The following CDON variants were observed in gnomAD, a reference collection of about 807,000 sequenced individuals.
CDON encodes the protein cell adhesion molecule-related/down-regulated by oncogenes.
A neutral mutation model predicts 120.9 loss-of-function variants in CDON; 73 were observed. That is an observed-to-expected ratio of 0.60 (90% CI 0.50 to 0.73). The LOEUF (loss-of-function observed/expected upper bound fraction) is 0.73. CDON is among the 30% of genes least tolerant of loss of function. CDON has a pLI of 0.00. For synonymous variants in CDON, 566 were observed against 573.5 expected, an observed-to-expected ratio of 0.99 and a Z score of 0.19; for missense variants, 1,470 against 1,587.3, an observed-to-expected ratio of 0.93 and a Z score of 1.26.
intron 18 of CDON, among the ~76,000 whole-genome samples, chr11:125,971,752 C>A (rs911937604): frequency 6.6e-6 from 1 of 152,138 alleles, no homozygotes; most frequent in Non-Finnish European, 1.5e-5. Context: ...TCATTCCTTC[C>A]TGATGGGGTC....
chr11:125,982,045 G>A (rs1422101529), intron 16 of CDON, among the ~76,000 whole-genome samples: 3 of 128,206 alleles, frequency 2.3e-5, no homozygotes, highest in East Asian at 5.1e-4. Flanking sequence ...GTGCAATGGC[G>A]TGATCTTGGC....
chr11:126,028,219 G>A (rs1947848544), intron 1 of CDON, among the ~76,000 whole-genome samples: 2 of 151,780 alleles, frequency 1.3e-5, no homozygotes, highest in Non-Finnish European at 2.9e-5. Context: ...CGACAATCTC[G>A]CCACCTATAG....
At chr11:125,992,596 G>A (rs1174305404) in intron 14 of CDON, among the ~76,000 whole-genome samples, 1 of 152,144 alleles carries the variant, frequency 6.6e-6, no homozygotes, top group African/African-American at 2.4e-5. Context: ...AGTTATGGCA[G>A]AAAAGAAACA....
intron 1 of CDON, among the ~76,000 whole-genome samples, chr11:126,053,444 T>C (rs535593874): frequency 7.9e-5 from 12 of 152,266 alleles, no homozygotes; most frequent in Admixed American, 1.3e-4. Context: ...AGAAATCTAA[T>C]TGCACAGTGA....
At chr11:126,040,016 G>A (rs1433388407) in intron 1 of CDON, among the ~76,000 whole-genome samples, 1 of 152,028 alleles carries the variant, frequency 6.6e-6, no homozygotes, top group East Asian at 1.9e-4. Context: ...GATTTCCCCT[G>A]TGTAAAAATC....
chr11:126,059,561 C>T (rs1279960553), intron 1 of CDON, among the ~76,000 whole-genome samples: 2 of 150,280 alleles, frequency 1.3e-5, no homozygotes, highest in Admixed American at 1.3e-4. Flanking sequence ...ACAAAAAAGG[C>T]ACTGCAGGGC....
intron 9 of CDON, 91 bp from the exon 10 acceptor site, chr11:126,004,167 T>G: frequency 7.8e-7 from 1 of 1,283,584 alleles, no homozygotes; most frequent in Non-Finnish European, 1.1e-6. Context: ...AGGATTCATT[T>G]AATTCTAGAA....
chr11:125,969,442 CAT>C (rs1275272792), intron 18 of CDON, among the ~76,000 whole-genome samples: 1 of 152,192 alleles, frequency 6.6e-6, no homozygotes, highest in African/African-American at 2.4e-5. Flanking sequence ...TGTCTGCAAA[CAT>C]ATGACATTCA....
intron 7 of CDON, among the ~76,000 whole-genome samples, chr11:126,012,979 A>G (rs1344757793): frequency 1.3e-5 from 2 of 152,162 alleles, no homozygotes; most frequent in Non-Finnish European, 2.9e-5. Context: ...ATATTTCACC[A>G]TTAAATGCAA....
chr11:125,976,194 G>T (rs960673302), intron 18 of CDON, among the ~76,000 whole-genome samples: 4 of 152,254 alleles, frequency 2.6e-5, no homozygotes, highest in African/African-American at 9.6e-5. Context: ...ATTCCAAAGT[G>T]AAAAGACTTA....
intron 17 of CDON, 150 bp downstream of exon 17, chr11:125,980,899 G>T: frequency 1.4e-6 from 1 of 732,170 alleles, no homozygotes; most frequent in Non-Finnish European, 2.3e-6. Flanking sequence ...AGACTACTCT[G>T]GATCAAAGGG....
At chr11:126,016,133 A>G (rs1386699266) in intron 6 of CDON, among the ~76,000 whole-genome samples, 1 of 152,204 alleles carries the variant, frequency 6.6e-6, no homozygotes, top group Non-Finnish European at 1.5e-5. Flanking sequence ...CAGTGTTGCT[A>G]ACCTATAGCA....
chr11:126,044,762 G>A lies in CDON; in HGVS notation c.-62+17817C>T, dbSNP rs527866633. Among the ~76,000 whole-genome samples, 5 of 152,046 alleles carry A rather than the reference G, an allele frequency of 3.3e-5. No individual in the cohort carries two copies. The South Asian group carries it at 6.3e-4, about 19-fold the overall frequency. ...GCTCAGAAGGGCAGCAGGGAGGTGG[G>A]GATAAAGTGGGGATGGCTAATGGGT... On this transcript the variant is annotated intron_variant, in intron 1 of 19. Transcript: ENST00000531738.
chr11:125,976,441 G>T (rs543866222), intron 18 of CDON, among the ~76,000 whole-genome samples: 2 of 151,874 alleles, frequency 1.3e-5, no homozygotes, highest in South Asian at 2.1e-4. Flanking sequence ...AAGCTGAAGA[G>T]AATTCACCTA....
rs1945543285 is a variant in CDON, at chr11:125,958,443, C to T, written c.*2499G>A. 1 of 152,018 alleles carries T rather than the reference C, an allele frequency of 6.6e-6. No homozygotes were observed. The highest frequency in any genetic ancestry group is 2.1e-4 in the South Asian group (1 of 4,822). The allele number at this position is 152,018 out of a possible 1,614,324, so 9.4% of individuals were successfully genotyped here. Reference sequence around the variant, plus strand: ...TCTCCCACACTGTACCATGTCCTCTCATTTCCTGGTGAAGTGACATTAGGT... The same window carrying T: ...TCTCCCACACTGTACCATGTCCTCTTATTTCCTGGTGAAGTGACATTAGGT... On this transcript the variant is annotated 3_prime_UTR_variant, in exon 20 of 20. Coordinates refer to ENST00000531738, the MANE Select transcript of CDON (RefSeq NM_001378964.1).
chr11:126,035,039 T>TA (rs1948056661), intron 1 of CDON, among the ~76,000 whole-genome samples: 1 of 152,222 alleles, frequency 6.6e-6, no homozygotes, highest in African/African-American at 2.4e-5. Flanking sequence ...ACGTAGTTGT[T>TA]AACAGGTCCA....
chr11:125,965,222 C>A (rs572146635), intron 18 of CDON, among the ~76,000 whole-genome samples: 1 of 152,268 alleles, frequency 6.6e-6, no homozygotes, highest in Admixed American at 6.5e-5. Context: ...TAAGCCATCA[C>A]GCCTGGCCAA....
chr11:125,976,488 T>A (rs1037687138), intron 18 of CDON, among the ~76,000 whole-genome samples: 1 of 152,036 alleles, frequency 6.6e-6, no homozygotes, highest in Non-Finnish European at 1.5e-5. Context: ...ACACATGAAA[T>A]GTAGTAAGTC....
intron 1 of CDON, among the ~76,000 whole-genome samples, chr11:126,042,682 C>T (rs1948293746): frequency 6.6e-6 from 1 of 152,190 alleles, no homozygotes; most frequent in Non-Finnish European, 1.5e-5. Flanking sequence ...AGTGCAATGG[C>T]ACAATCTCAG....
Sources: gnomAD v4.1 joint callset for allele counts (sites outside exome capture counted in the v4.1 genomes callset) on GRCh38, gnomAD v4.1.1 for gene constraint, MANE v1.5 for transcripts, NCBI Gene and HGNC (gene_info 2026-07-23, HGNC 2026-07-21) for gene names.